The following TPCN1 variants were observed in gnomAD, a reference collection of about 807,000 sequenced individuals.
The protein encoded by TPCN1 is two pore channel protein 1.
A neutral mutation model predicts 108.8 loss-of-function variants in TPCN1; 52 were observed. The observed-to-expected ratio is 0.48, with a 90% confidence interval of 0.38 to 0.60. The LOEUF (loss-of-function observed/expected upper bound fraction) is 0.60. Ranked by LOEUF, TPCN1 falls within the 20% of genes least tolerant of loss-of-function variation. The pLI is 0.00. For synonymous variants in TPCN1, 446 were observed against 433.7 expected (o/e 1.03, Z -0.35); for missense variants, 806 against 1,072.8 (o/e 0.75, Z 3.47).
intron 27 of TPCN1, among the ~76,000 whole-genome samples, chr12:113,295,097 C>T (rs982140644): frequency 2.6e-5 from 4 of 152,168 alleles, no homozygotes; most frequent in African/African-American, 9.7e-5. Flanking sequence ...CACTCCATGC[C>T]TCCCTGTCTG....
chr12:113,226,799 G>C lies in TPCN1; in HGVS notation c.-54G>C. ...TGGCTTTGAAAGGGAGCTCAAACCA[G>C]AGACTATTTCAAGCCCTGGATATCA... is the stretch of plus-strand genomic sequence containing the variant. On this transcript the variant is annotated 5_prime_UTR_variant, in exon 2 of 28. Transcript: ENST00000335509. 6.2e-7 allele frequency: 1 copy of C among 1,612,352 alleles called. No individual in the cohort carries two copies. The highest frequency in any genetic ancestry group is 8.5e-7 in the Non-Finnish European group (1 of 1,179,240).
intron 2 of TPCN1, among the ~76,000 whole-genome samples, chr12:113,251,139 C>CA (rs11386008): frequency 0.12 from 16,720 of 142,258 alleles, 999 homozygotes; most frequent in African/African-American, 0.16. Context: ...CCCATCTCTA[C>CA]AAAAAAAAAA....
intron 2 of TPCN1, among the ~76,000 whole-genome samples, chr12:113,246,280 G>T (rs540218352): frequency 2.0e-4 from 31 of 152,350 alleles, no homozygotes; most frequent in Non-Finnish European, 3.4e-4. Context: ...ATCTTTAGTG[G>T]CCAAAGTCTG....
At chr12:113,244,738 T>G in intron 2 of TPCN1, 1 of 985,330 alleles carries the variant, frequency 1.0e-6, no homozygotes, top group Non-Finnish European at 1.2e-6. Context: ...GGGCTCCGAG[T>G]GCTTTGTGAG....
chr12:113,277,270 G>A lies in TPCN1; in HGVS notation c.1090G>A (p.Glu364Lys). The A allele has an allele frequency of 6.2e-7, 1 of 1,613,934 alleles. No individual in the cohort carries two copies. The highest frequency in any genetic ancestry group is 1.1e-5 in the South Asian group (1 of 91,070). ...RPAGISYRQF[E>K]GLMRFYKPRM... is the part of the protein sequence containing the mutation. ...TGCCGGCATCTCCTACAGGCAGTTT[G>A]AAGGCCTCATGCGCTTCTACAAGCC... Residue 364 changes from glutamate to lysine, a missense_variant, in exon 12 of 28, where the codon GAA (glutamate) becomes AAA (lysine). Glu to Lys is a moderately conservative substitution (Grantham distance 56). Transcript: ENST00000335509.
chr12:113,293,072 A>G lies in TPCN1; in HGVS notation c.2252A>G (p.Gln751Arg). ...ACCCTCTCCCAGATGGAGAGATACC[A>G]GGTGAGGAGCCCAGGCCCTGGTCCG... Reference protein sequence around the residue: ...LETLSQMERYQQHSMVFLGRR... With the variant: ...LETLSQMERYRQHSMVFLGRR... Residue 751 changes from glutamine to arginine, a missense_variant and splice_region_variant, in exon 26 of 28, where the codon CAG becomes CGG. Transcript: ENST00000335509. The G allele has an allele frequency of 1.2e-6, 2 of 1,611,218 alleles. No individual in the cohort carries two copies. Among genetic ancestry groups the G allele is most frequent in the Non-Finnish European group, 1.7e-6 (2 of 1,178,832 alleles).
chr12:113,295,419 G>A (rs1956392161), intron 27 of TPCN1, among the ~76,000 whole-genome samples: 1 of 141,652 alleles, frequency 7.1e-6, no homozygotes, highest in East Asian at 2.0e-4. Context: ...TCCAGCCTGT[G>A]CCACACAGTG....
rs1956144173 is a variant in TPCN1 at position 113,288,090 on chromosome 12, G to GC, written c.1635-71dup. ...CACCGCATGGCGTGTGGAAGGCGGGGCCGGCATGTTCTGAGGGCGGGGGCT... is the reference window on the plus strand; with the variant it reads ...CACCGCATGGCGTGTGGAAGGCGGGGCCCGGCATGTTCTGAGGGCGGGGGCT... On this transcript the variant is annotated intron_variant, in intron 19 of 27. Coordinates refer to ENST00000335509, the MANE Select transcript of TPCN1 (RefSeq NM_017901.6). The surrounding 1 kb of genome is among the most constrained non-coding windows in gnomAD (Gnocchi z 4.8). The GC allele has an allele frequency of 1.4e-6, 2 of 1,444,074 alleles. No homozygotes were observed. The highest frequency in any genetic ancestry group is 1.9e-6 in the Non-Finnish European group (2 of 1,046,030). 89.5% of individuals were successfully genotyped at this position (1,444,074 alleles called of 1,614,324 possible). A position where few individuals can be genotyped will look rare whatever the true frequency, so the allele number is the denominator to read the frequency against.
rs1955389586 is a variant in TPCN1 at position 113,268,979 on chromosome 12, A to G, written c.659+107A>G. The G allele has an allele frequency of 1.5e-6, 2 of 1,305,468 alleles. No individual in the cohort carries two copies. Among genetic ancestry groups the G allele is most frequent in the Admixed American group, 3.7e-5 (2 of 54,402 alleles). The allele number at this position is 1,305,468 out of a possible 1,614,324, so 80.9% of individuals were successfully genotyped here. On this transcript the variant is annotated intron_variant, in intron 6 of 27. Transcript: ENST00000335509. The surrounding 1 kb of genome is among the most constrained non-coding windows in gnomAD (Gnocchi z 7.3). ...CAGTTAGTGATGAGGTCGACCCTGC[A>G]TGCTGGTGGAGTACACGCAGACTCA...
rs1955322746 is a variant in TPCN1, at chr12:113,267,731, T to A, written c.415-112T>A. The A allele has an allele frequency of 5.8e-6, 4 of 690,592 alleles. No individual in the cohort carries two copies. The African/African-American group carries it at 7.0e-5, about 12-fold the overall frequency. The allele number at this position is 690,592 out of a possible 1,614,324, so 42.8% of individuals were successfully genotyped here. Reference sequence around the variant, plus strand: ...CGAGGCCAGGTTTTTGTAACTCTGATATGTGTTGGGAGGATGTCCTGGGGC... The same window carrying A: ...CGAGGCCAGGTTTTTGTAACTCTGAAATGTGTTGGGAGGATGTCCTGGGGC... On this transcript the variant is annotated intron_variant, in intron 4 of 27. Transcript: ENST00000335509.
At chr12:113,250,482 G>A (rs187672582) in intron 2 of TPCN1, among the ~76,000 whole-genome samples, 1 of 152,248 alleles carries the variant, frequency 6.6e-6, no homozygotes, top group Non-Finnish European at 1.5e-5. Context: ...TGGTGATGGG[G>A]TACTCACTGC....
rs1201303948 is a variant in TPCN1, at chr12:113,284,528, A to G, written c.1343-53A>G. On this transcript the variant is annotated intron_variant, in intron 15 of 27. Transcript: ENST00000335509. This position sits in a 1 kb window ranked among gnomAD's most constrained non-coding sequence, Gnocchi z 4.1. ...CAGGGACTTCAGCTGCGACCTGCAG[A>G]TTTCTAAGCCCCCCTGTTATTTCTC... The G allele has an allele frequency of 6.2e-7, 1 of 1,607,750 alleles. No individual in the cohort carries two copies. The highest frequency in any genetic ancestry group is 8.5e-7 in the Non-Finnish European group (1 of 1,175,650).
rs565252892 is a variant in TPCN1, at chr12:113,278,110, T to C, written c.1185-79T>C. ...CTCCCTCACCCCATAAAGGTGTCCA[T>C]AGGCAGGCAAGTAAGAGAAGCAAAG... On this transcript the variant is annotated intron_variant, in intron 12 of 27. Transcript: ENST00000335509. The C allele has an allele frequency of 5.8e-5, 74 of 1,275,124 alleles. 1 individual carries two copies. The East Asian group carries it at 1.6e-3, about 27-fold the overall frequency. The allele number at this position is 1,275,124 out of a possible 1,614,324, so 79.0% of individuals were successfully genotyped here.
chr12:113,249,157 G>T (rs1414981602), intron 2 of TPCN1, among the ~76,000 whole-genome samples: 4 of 152,184 alleles, frequency 2.6e-5, no homozygotes, highest in Non-Finnish European at 5.9e-5. Context: ...GCCTTCTCCT[G>T]CCCCCAGTCA....
intron 1 of TPCN1, among the ~76,000 whole-genome samples, chr12:113,222,307 T>C (rs1376829926): frequency 6.6e-6 from 1 of 152,224 alleles, no homozygotes; most frequent in African/African-American, 2.4e-5. Flanking sequence ...GGTTGAAACT[T>C]ATAAAAGGCA....
intron 2 of TPCN1, chr12:113,245,813 G>A (rs1593107462): frequency 2.1e-5 from 8 of 383,398 alleles, no homozygotes; most frequent in Admixed American, 1.1e-4. Flanking sequence ...GGGGTGGGTC[G>A]TGGAAGCCTT....
intron 2 of TPCN1, among the ~76,000 whole-genome samples, chr12:113,259,931 A>C (rs979282992): frequency 3.9e-5 from 6 of 152,190 alleles, no homozygotes; most frequent in African/African-American, 9.7e-5. Flanking sequence ...AGTTGTTTTT[A>C]ATTTTTAACT....
Position 113,284,646 on chromosome 12 carries a change from C to T in TPCN1, c.1399+9C>T, listed in dbSNP as rs192500168. The T allele has an allele frequency of 1.7e-5, 28 of 1,614,224 alleles. No individual in the cohort carries two copies. In the East Asian group the frequency reaches 3.3e-4, roughly 19 times the overall value. On this transcript the variant is annotated intron_variant, in intron 16 of 27. Coordinates refer to ENST00000335509, the MANE Select transcript of TPCN1 (RefSeq NM_017901.6). This position sits in a 1 kb window ranked among gnomAD's most constrained non-coding sequence, Gnocchi z 4.1. ...GACATTTATGCTGAAAGGTGAGCCC[C>T]GCTCAGGGACTGGCCGTGTCCTGGC...
rs951445062 is a variant in TPCN1, at chr12:113,273,991, G to A, written c.942+323G>A. On this transcript the variant is annotated intron_variant, in intron 10 of 27. Coordinates refer to ENST00000335509, the MANE Select transcript of TPCN1 (RefSeq NM_017901.6). The surrounding 1 kb of genome is among the most constrained non-coding windows in gnomAD (Gnocchi z 4.0). ...GCAGTTGACCCTCGGTGTCCACAGG[G>A]ATTGTTTGCAGGACCCCCTGTAGGT... 1.3e-5 allele frequency among the ~76,000 whole-genome samples: 2 copies of A among 152,194 alleles called. No individual in the cohort carries two copies. Among genetic ancestry groups the A allele is most frequent in the African/African-American group, 4.8e-5 (2 of 41,440 alleles).
Sources: gnomAD v4.1 joint callset for allele counts (sites outside exome capture counted in the v4.1 genomes callset) on GRCh38, gnomAD v4.1.1 for gene constraint, Gnocchi (gnomAD v3.1) non-coding constraint, MANE v1.5 for transcripts, NCBI Gene and HGNC (gene_info 2026-07-23, HGNC 2026-07-21) for gene names.